Variants in AP4S1 observed in about 807,000 individuals in gnomAD.
AP4S1 encodes AP-4 complex subunit sigma-1.
AP4S1 carries 23 observed loss-of-function variants against 19.8 expected under a neutral mutation model. That is an observed-to-expected ratio of 1.16 (90% CI 0.84 to 1.65). The LOEUF (loss-of-function observed/expected upper bound fraction) is 1.65, where lower values mean the gene tolerates loss of function less well. Among genes scored for constraint, AP4S1 ranks in the 40% most tolerant of loss-of-function variants. The pLI is 0.00. For synonymous variants in AP4S1, 46 were observed against 54.1 expected (o/e 0.85, Z 0.66); for missense variants, 166 against 172.8 (o/e 0.96, Z 0.22).
chr14:31,085,589 C>T, intron 5 of AP4S1: 2 of 894,796 alleles, frequency 2.2e-6, no homozygotes, highest in Non-Finnish European at 2.7e-6. Context: ...GCCTGGGCAA[C>T]ATAGGGAGAC....
intron 1 of AP4S1, among the ~76,000 whole-genome samples, chr14:31,065,563 A>C (rs537246755): frequency 2.0e-5 from 3 of 152,112 alleles, no homozygotes; most frequent in African/African-American, 7.2e-5. Context: ...GAGTAAATTG[A>C]ATGAATAGAA....
chr14:31,036,115 A>G (rs1348308164), intron 1 of AP4S1, among the ~76,000 whole-genome samples: 1 of 151,746 alleles, frequency 6.6e-6, no homozygotes, highest in African/African-American at 2.4e-5. Flanking sequence ...TTCCTCCTCC[A>G]TATTTTCTAT....
intron 1 of AP4S1, among the ~76,000 whole-genome samples, chr14:31,037,167 T>C (rs1423673685): frequency 6.6e-6 from 1 of 151,806 alleles, no homozygotes; most frequent in African/African-American, 2.4e-5. Context: ...CTTACACACA[T>C]GCACACACAC....
chr14:31,035,505 A>G lies in AP4S1; in HGVS notation c.-72+9718A>G, dbSNP rs7147573. Among the ~76,000 whole-genome samples the G allele has an allele frequency of 6.5e-3, 982 of 151,858 alleles. 7 individuals are homozygous for G. The highest frequency in any genetic ancestry group is 0.022 in the African/African-American group (895 of 41,368). On this transcript the variant is annotated intron_variant, in intron 1 of 5. Coordinates refer to ENST00000542754, the MANE Select transcript of AP4S1 (RefSeq NM_001128126.3). ...CACGCCCAGCCAGTAATTCCTTTAT[A>G]CAATCTAATCCTCAGTCCATATTTG...
At chr14:31,052,587 G>A (rs941270664) in intron 1 of AP4S1, among the ~76,000 whole-genome samples, 1 of 151,880 alleles carries the variant, frequency 6.6e-6, no homozygotes, top group Non-Finnish European at 1.5e-5. Flanking sequence ...AATTAGGCAG[G>A]CATGGTGGTG....
chr14:31,091,353 TTCTA>T (rs1404036603), intron 5 of AP4S1, among the ~76,000 whole-genome samples: 2 of 152,148 alleles, frequency 1.3e-5, no homozygotes, highest in Non-Finnish European at 2.9e-5. Context: ...AGCTCTGCCT[TTCTA>T]TATATACCTG....
chr14:31,055,702 G>T (rs1296024093), intron 1 of AP4S1, among the ~76,000 whole-genome samples: 1 of 128,738 alleles, frequency 7.8e-6, no homozygotes, highest in Non-Finnish European at 1.6e-5. Flanking sequence ...AAAAAGAAAT[G>T]TTTTTGTCTG....
rs549295226 is a variant in AP4S1, at chr14:31,026,023, G to A, written c.-72+236G>A. 35 of 1,540,912 alleles carry A rather than the reference G, an allele frequency of 2.3e-5. No individual in the cohort carries two copies. The African/African-American group carries it at 2.7e-4, about 12-fold the overall frequency. ...TACTGCTGCGGCCGGGACAGCTCGG[G>A]GCCTGCCGCGGGACCCGCTCCCTCG... On this transcript the variant is annotated intron_variant, in intron 1 of 5. Transcript: ENST00000542754.
At chr14:31,076,134 G>T (rs548161569) in intron 4 of AP4S1, among the ~76,000 whole-genome samples, 3 of 152,150 alleles carry the variant, frequency 2.0e-5, no homozygotes, top group Admixed American at 2.0e-4. Context: ...AACATTCATG[G>T]ATGCGTTTTT....
intron 1 of AP4S1, among the ~76,000 whole-genome samples, chr14:31,046,800 C>G (rs1428251383): frequency 2.0e-5 from 3 of 146,892 alleles, no homozygotes; most frequent in Non-Finnish European, 4.4e-5. Context: ...GAGCCGAGAT[C>G]GTACCACTGC....
Position 31,076,982 on chromosome 14 carries a change from A to C in AP4S1, c.295-3591A>C, listed in dbSNP as rs1029892444. Among the ~76,000 whole-genome samples the C allele has an allele frequency of 7.2e-5, 11 of 152,138 alleles. 1 individual carries two copies. Among genetic ancestry groups the C allele is most frequent in the Middle Eastern group, 6.3e-3 (2 of 316 alleles). ...GTTTTGCTCTTGTTGCCCAGGTTGGAGTGCAATGGCGTGATCTCGGCTCAC... is the reference window on the plus strand; with the variant it reads ...GTTTTGCTCTTGTTGCCCAGGTTGGCGTGCAATGGCGTGATCTCGGCTCAC... On this transcript the variant is annotated intron_variant, in intron 4 of 5. Coordinates refer to ENST00000542754, the MANE Select transcript of AP4S1 (RefSeq NM_001128126.3).
At chr14:31,034,414 G>A (rs546184761) in intron 1 of AP4S1, among the ~76,000 whole-genome samples, 25 of 151,800 alleles carry the variant, frequency 1.6e-4, no homozygotes, top group Non-Finnish European at 3.1e-4. Context: ...TTATAGTTTC[G>A]TAACAATTGG....
In AP4S1 at chr14:31,089,465, T is replaced by C. The variant is rs375684492; in HGVS notation, c.307-3442T>C. ...GAGACCCAAATCTAGAGTTAGAAAT[T>C]GTAGTTTCTAGGTTGGTCTCTGCCG... On this transcript the variant is annotated intron_variant, in intron 5 of 5. Coordinates refer to ENST00000542754, the MANE Select transcript of AP4S1 (RefSeq NM_001128126.3). Among the ~76,000 whole-genome samples, 13 of 152,352 alleles carry C rather than the reference T, an allele frequency of 8.5e-5. No individual in the cohort carries two copies. The East Asian group carries it at 2.1e-3, about 25-fold the overall frequency.
chr14:31,085,287 C>T (rs1399778137), intron 5 of AP4S1: 2 of 1,008,108 alleles, frequency 2.0e-6, no homozygotes, highest in East Asian at 1.9e-4. Flanking sequence ...GCCTCTCCTC[C>T]ACCTTCACCC....
rs188557179 is a variant in AP4S1, at chr14:31,050,480, T to C, written c.-71-15646T>C. ...AAACTAACTTTTTATTTGGAATTAT[T>C]TTATTTATTTTATTGTTTAGAGACA... On this transcript the variant is annotated intron_variant, in intron 1 of 5. Coordinates refer to ENST00000542754, the MANE Select transcript of AP4S1 (RefSeq NM_001128126.3). Among the ~76,000 whole-genome samples, 286 of 152,220 alleles carry C rather than the reference T, an allele frequency of 1.9e-3. 4 individuals are homozygous for C. Among genetic ancestry groups the C allele is most frequent in the African/African-American group, 6.7e-3 (278 of 41,550 alleles).
At chr14:31,072,826 CACTG>C (rs1887087739) in intron 3 of AP4S1, 75 bp from the exon 4 acceptor site, 4 of 1,188,760 alleles carry the variant, frequency 3.4e-6, no homozygotes, top group South Asian at 2.5e-5. Context: ...AAAACCTGGA[CACTG>C]ACTGGGAAGT....
rs548595989 is a variant in AP4S1 at position 31,075,065 on chromosome 14, T to C, written c.294+2092T>C. Among the ~76,000 whole-genome samples, 10 of 152,320 alleles carry C rather than the reference T, an allele frequency of 6.6e-5. No individual in the cohort carries two copies. In the South Asian group the frequency reaches 2.1e-3, roughly 32 times the overall value. On this transcript the variant is annotated intron_variant, in intron 4 of 5. Transcript: ENST00000542754. Reference sequence around the variant, plus strand: ...AATTATTCTCTTAGCTATTTTGAAATATACAATAGATTATTATTAACCATA... The same window carrying C: ...AATTATTCTCTTAGCTATTTTGAAACATACAATAGATTATTATTAACCATA...
rs1418794794 is a variant in AP4S1 at position 31,072,952 on chromosome 14, A to G, written c.273A>G (p.Leu91=). ...YEFIHNFVEV[L]DEYFSRVSEL... ...TCATTCATAACTTTGTGGAAGTTTTAGATGAGTATTTCAGCCGAGTGGTAA... is the reference window on the plus strand; with the variant it reads ...TCATTCATAACTTTGTGGAAGTTTTGGATGAGTATTTCAGCCGAGTGGTAA... The change falls in exon 4 of 6, where the codon TTA becomes TTG. Residue 91 remains leucine (L), a synonymous_variant. Coordinates refer to ENST00000542754, the MANE Select transcript of AP4S1 (RefSeq NM_001128126.3). 3.7e-6 allele frequency: 6 copies of G among 1,613,858 alleles called. No individual in the cohort carries two copies. Among genetic ancestry groups the G allele is most frequent in the Admixed American group, 3.3e-5 (2 of 60,004 alleles).
chr14:31,070,994 G>A (rs1886968902), intron 3 of AP4S1, among the ~76,000 whole-genome samples: 1 of 152,130 alleles, frequency 6.6e-6, no homozygotes, highest in African/African-American at 2.4e-5. Context: ...AGAGCTTGCA[G>A]TGAGCCGAGA....
Sources: allele counts gnomAD v4.1 joint callset (sites outside exome capture counted in the v4.1 genomes callset), GRCh38; gene constraint gnomAD v4.1.1; transcripts MANE v1.5; gene names NCBI Gene and HGNC (gene_info 2026-07-23, HGNC 2026-07-21).